The following ANK3 variants were observed in gnomAD, a reference collection of about 807,000 sequenced individuals.
ANK3 encodes ankyrin-3.
In ANK3, 57 loss-of-function variants were observed where a neutral mutation model predicts 370.9. That is an observed-to-expected ratio of 0.15 (90% CI 0.12 to 0.19). ANK3 has a LOEUF of 0.19. Among genes scored for constraint, ANK3 ranks in the 10% least tolerant of loss-of-function variants. The pLI is 1.00. For synonymous variants in ANK3, 1,929 were observed against 1,946.3 expected (o/e 0.99, Z 0.23); for missense variants, 4,439 against 5,302.1 (o/e 0.84, Z 5.06).
intron 36 of ANK3, among the ~76,000 whole-genome samples, chr10:60,078,761 C>T (rs1487090847): frequency 3.9e-5 from 6 of 152,148 alleles, no homozygotes; most frequent in Non-Finnish European, 8.8e-5. Flanking sequence ...TTGGAGTTCC[C>T]ATAACACCAG....
chr10:60,050,144 A>G (rs1454813446), intron 42 of ANK3, among the ~76,000 whole-genome samples: 2 of 152,164 alleles, frequency 1.3e-5, no homozygotes, highest in Non-Finnish European at 2.9e-5. Flanking sequence ...CCCAACCCAG[A>G]GAACATGTGT....
rs1285574100 is a variant in ANK3 at position 60,027,760 on chromosome 10, A to G, written c.*2086T>C. Reference sequence around the variant, plus strand: ...GCTGGTAACTAGAATAAAAGTTAAAACAGCCATGGTCTCTGCCTCAGTAGA... The same window carrying G: ...GCTGGTAACTAGAATAAAAGTTAAAGCAGCCATGGTCTCTGCCTCAGTAGA... On this transcript the variant is annotated 3_prime_UTR_variant, in exon 44 of 44. Coordinates refer to ENST00000280772, the MANE Select transcript of ANK3 (RefSeq NM_020987.5). The G allele has an allele frequency of 6.6e-6, 1 of 152,192 alleles. No homozygotes were observed. The highest frequency in any genetic ancestry group is 1.5e-5 in the Non-Finnish European group (1 of 68,042). 9.4% of individuals were successfully genotyped at this position (152,192 alleles called of 1,614,324 possible).
intron 1 of ANK3, among the ~76,000 whole-genome samples, chr10:60,295,796 G>C (rs552046485): frequency 6.6e-6 from 1 of 152,110 alleles, no homozygotes; most frequent in South Asian, 2.1e-4. Flanking sequence ...ATTAACAATG[G>C]CAATCTTGTT....
intron 18 of ANK3, among the ~76,000 whole-genome samples, chr10:60,176,378 A>AG (rs2095953370): frequency 1.3e-5 from 2 of 150,528 alleles, no homozygotes; most frequent in African/African-American, 4.9e-5. Context: ...CAAAAAAAAA[A>AG]AAAAAAGAAA....
chr10:60,659,312 A>G (rs1018904212), intron 1 of ANK3, among the ~76,000 whole-genome samples: 1 of 151,688 alleles, frequency 6.6e-6, no homozygotes, highest in African/African-American at 2.4e-5. Flanking sequence ...GAATGACACA[A>G]CTCATCATGT....
chr10:60,216,659 C>T (rs1332687080), intron 8 of ANK3, among the ~76,000 whole-genome samples: 10 of 152,082 alleles, frequency 6.6e-5, no homozygotes, highest in African/African-American at 2.2e-4. Context: ...CTGCTGGTTT[C>T]GGTTTGCCAG....
intron 2 of ANK3, among the ~76,000 whole-genome samples, chr10:60,561,285 A>C (rs1308976351): frequency 1.3e-5 from 2 of 152,192 alleles, no homozygotes; most frequent in African/African-American, 4.8e-5. Context: ...ATTTGCAAAA[A>C]TTATCATGCA....
At chr10:60,463,854 A>T (rs192902576) in intron 2 of ANK3, among the ~76,000 whole-genome samples, 1 of 151,848 alleles carries the variant, frequency 6.6e-6, no homozygotes, top group East Asian at 1.9e-4. Context: ...TTGTGTGTGG[A>T]GGAAGGGAGC....
intron 23 of ANK3, among the ~76,000 whole-genome samples, chr10:60,142,591 A>T (rs2094617003): frequency 1.3e-5 from 2 of 151,590 alleles, no homozygotes. Flanking sequence ...AATGACTGGT[A>T]TACAGTAAAA....
At chr10:60,113,087 C>T (rs1403074787) in intron 26 of ANK3, among the ~76,000 whole-genome samples, 1 of 152,130 alleles carries the variant, frequency 6.6e-6, no homozygotes, top group Non-Finnish European at 1.5e-5. Flanking sequence ...TGAAGCAGGT[C>T]CCCTTTTAGC....
intron 1 of ANK3, among the ~76,000 whole-genome samples, chr10:60,291,786 C>G (rs1311550425): frequency 6.6e-6 from 1 of 152,144 alleles, no homozygotes; most frequent in Non-Finnish European, 1.5e-5. Flanking sequence ...GGCTGGAGCT[C>G]ACTGCAACCT....
At chr10:60,699,261 C>T (rs574547698) in intron 1 of ANK3, among the ~76,000 whole-genome samples, 9 of 151,600 alleles carry the variant, frequency 5.9e-5, no homozygotes, top group East Asian at 3.9e-4. Context: ...CCATCTGTAC[C>T]CCAGTAACCC....
chr10:60,570,653 G>A (rs1327042820), intron 2 of ANK3, among the ~76,000 whole-genome samples: 1 of 152,156 alleles, frequency 6.6e-6, no homozygotes, highest in Admixed American at 6.6e-5. Context: ...CACTGAGCAG[G>A]CAGTAAGGAG....
intron 7 of ANK3, among the ~76,000 whole-genome samples, chr10:60,242,159 G>C (rs1032960899): frequency 6.6e-6 from 1 of 151,958 alleles, no homozygotes. Context: ...CCTACTCCTG[G>C]AAGGCCCCTA....
intron 11 of ANK3, among the ~76,000 whole-genome samples, chr10:60,205,237 T>A (rs1333333691): frequency 6.6e-6 from 1 of 152,312 alleles, no homozygotes; most frequent in South Asian, 2.1e-4. Context: ...ATTTTGAGTT[T>A]TAAGACAGAG....
intron 2 of ANK3, among the ~76,000 whole-genome samples, chr10:60,532,409 T>A (rs2076626382): frequency 6.6e-6 from 1 of 152,028 alleles, no homozygotes; most frequent in Non-Finnish European, 1.5e-5. Context: ...GTGGCAAGGG[T>A]CCAGGGCAGG....
At chr10:60,615,390 TA>T (rs60626709) in intron 1 of ANK3, among the ~76,000 whole-genome samples, 117 of 145,840 alleles carry the variant, frequency 8.0e-4, no homozygotes, top group Middle Eastern at 3.5e-3. Flanking sequence ...AATTCTAGTT[TA>T]AAAAAAAAAA....
intron 1 of ANK3, among the ~76,000 whole-genome samples, chr10:60,721,667 C>T (rs558807222): frequency 2.6e-5 from 4 of 152,106 alleles, no homozygotes; most frequent in South Asian, 2.1e-4. Flanking sequence ...TTAATGACAC[C>T]GATATCTAAC....
At chr10:60,149,054 T>C (rs1353065264) in intron 23 of ANK3, among the ~76,000 whole-genome samples, 5 of 152,226 alleles carry the variant, frequency 3.3e-5, no homozygotes, top group Non-Finnish European at 7.3e-5. Flanking sequence ...GATTTTGGCC[T>C]TTTCTTTCCC....
Sources: allele counts gnomAD v4.1 joint callset (sites outside exome capture counted in the v4.1 genomes callset), GRCh38; gene constraint gnomAD v4.1.1; transcripts MANE v1.5; gene names NCBI Gene and HGNC (gene_info 2026-07-23, HGNC 2026-07-21).